The following BAIAP2 variants were observed in gnomAD, a reference collection of about 807,000 sequenced individuals.
BAIAP2 encodes BAR/IMD domain containing adaptor protein 2, also known as BAR/IMD domain-containing adapter protein 2.
Under a neutral mutation model 63.0 loss-of-function variants are expected in BAIAP2, and 18 were observed. The ratio of observed to expected loss-of-function variants is 0.29; its 90% CI spans 0.20 to 0.42. The LOEUF is 0.42. Among genes scored for constraint, BAIAP2 ranks in the 10% least tolerant of loss-of-function variants. BAIAP2 has a pLI of 1.00. For synonymous variants in BAIAP2, 386 were observed against 307.6 expected, an observed-to-expected ratio of 1.25 and a Z score of -2.67; for missense variants, 610 against 734.3, an observed-to-expected ratio of 0.83 and a Z score of 1.96.
intron 1 of BAIAP2, among the ~76,000 whole-genome samples, chr17:81,041,891 A>G (rs987024939): frequency 2.6e-5 from 4 of 152,070 alleles, no homozygotes; most frequent in African/African-American, 9.7e-5. Context: ...TAGATTTTTC[A>G]ATAATCATAT....
chr17:81,081,842 C>T (rs549513276), intron 3 of BAIAP2, among the ~76,000 whole-genome samples: 15 of 152,290 alleles, frequency 9.8e-5, no homozygotes, highest in South Asian at 8.3e-4. Context: ...AGGGGGCCAT[C>T]GCTGGGCCCT....
At position 81,116,325 on chromosome 17, in the gene BAIAP2, T is replaced by G. The variant is rs1347190051; in HGVS notation, c.*486T>G. On this transcript the variant is annotated 3_prime_UTR_variant, in exon 14 of 14. Coordinates refer to ENST00000428708, the MANE Select transcript of BAIAP2 (RefSeq NM_001144888.2). ...AGATGAACTTCCCGTAAGCACGTAA[T>G]TCCCTGCAGGTCCGGCAGCTACACC... 6.2e-7 allele frequency: 1 copy of G among 1,612,472 alleles called. No individual in the cohort carries two copies. Among genetic ancestry groups the G allele is most frequent in the East Asian group, 2.2e-5 (1 of 44,880 alleles).
intron 6 of BAIAP2, among the ~76,000 whole-genome samples, chr17:81,096,148 A>AGT (rs2057577226): frequency 1.3e-5 from 2 of 152,208 alleles, no homozygotes; most frequent in Non-Finnish European, 2.9e-5. Flanking sequence ...GACAGCAACC[A>AGT]GTGTGGAGGC....
At chr17:81,112,153 C>T (rs2059997425) in intron 13 of BAIAP2, among the ~76,000 whole-genome samples, 1 of 152,054 alleles carries the variant, frequency 6.6e-6, no homozygotes, top group Non-Finnish European at 1.5e-5. Context: ...GGGAGGCCTC[C>T]AGACCCCCCC....
chr17:81,067,736 G>A (rs558334373), intron 3 of BAIAP2, among the ~76,000 whole-genome samples: 2 of 152,348 alleles, frequency 1.3e-5, no homozygotes, highest in East Asian at 1.9e-4. Context: ...GCATCGCAGC[G>A]GGGAGGCACC....
At chr17:81,040,202 G>A (rs750929842) in intron 1 of BAIAP2, among the ~76,000 whole-genome samples, 4 of 152,214 alleles carry the variant, frequency 2.6e-5, no homozygotes, top group African/African-American at 4.8e-5. Flanking sequence ...TGCCTTCCCA[G>A]CCACCTTGTC....
At chr17:81,095,126 T>G (rs909761101) in intron 6 of BAIAP2, among the ~76,000 whole-genome samples, 3 of 152,178 alleles carry the variant, frequency 2.0e-5, no homozygotes, top group Non-Finnish European at 4.4e-5. Context: ...GCTGGGTGTT[T>G]CCATAGTGCT....
intron 3 of BAIAP2, chr17:81,063,697 A>G (rs4969371): frequency 0.87 from 132,804 of 152,458 alleles, 58,095 homozygotes; most frequent in East Asian, 0.99. Context: ...CTATTATCGC[A>G]AGGTGGCTTG....
chr17:81,086,789 C>T, intron 6 of BAIAP2: 2 of 576,206 alleles, frequency 3.5e-6, no homozygotes, highest in Non-Finnish European at 6.2e-6. Flanking sequence ...CTCTGTCCTG[C>T]TCTTGCAGCC....
chr17:81,100,827 C>G (rs995190423), intron 7 of BAIAP2, among the ~76,000 whole-genome samples: 5 of 152,170 alleles, frequency 3.3e-5, no homozygotes, highest in Non-Finnish European at 5.9e-5. Context: ...GGGACTCAAA[C>G]CTGGTCACAG....
chr17:81,071,103 T>A (rs1163269995), intron 3 of BAIAP2, among the ~76,000 whole-genome samples: 3 of 151,234 alleles, frequency 2.0e-5, no homozygotes, highest in Non-Finnish European at 4.4e-5. Flanking sequence ...ACATTGATTT[T>A]TTTTTTTTCC....
At chr17:81,111,349 C>G (rs1175391192) in intron 13 of BAIAP2, among the ~76,000 whole-genome samples, 1 of 152,258 alleles carries the variant, frequency 6.6e-6, no homozygotes, top group East Asian at 1.9e-4. Context: ...AGCTTGGGCT[C>G]CTTCGGGTGT....
chr17:81,036,451 A>G (rs930955618), intron 1 of BAIAP2, among the ~76,000 whole-genome samples: 1 of 152,254 alleles, frequency 6.6e-6, no homozygotes, highest in African/African-American at 2.4e-5. Flanking sequence ...GTGCCTGGCC[A>G]GGGGCCTGGG....
chr17:81,058,338 G>C (rs59848641), intron 3 of BAIAP2, among the ~76,000 whole-genome samples: 14,323 of 152,264 alleles, frequency 0.094, 775 homozygotes, highest in Non-Finnish European at 0.11. Context: ...CCCACGTGTG[G>C]TGTGGCCCTG....
intron 3 of BAIAP2, among the ~76,000 whole-genome samples, chr17:81,075,883 C>G (rs1016202790): frequency 2.6e-5 from 4 of 152,192 alleles, no homozygotes. Flanking sequence ...CATCTCTGTC[C>G]TGGCACGGAG....
chr17:81,095,280 C>T (rs1034155472), intron 6 of BAIAP2, among the ~76,000 whole-genome samples: 1 of 152,196 alleles, frequency 6.6e-6, no homozygotes, highest in Non-Finnish European at 1.5e-5. Flanking sequence ...GAGGTACAGA[C>T]CAGGCCGTGC....
chr17:81,049,385 C>T (rs149335094), intron 1 of BAIAP2, among the ~76,000 whole-genome samples: 8 of 152,306 alleles, frequency 5.3e-5, no homozygotes, highest in Middle Eastern at 3.4e-3. Flanking sequence ...ACTTCAGAGC[C>T]GCCGTGTGGG....
chr17:81,043,728 G>T (rs1193404556), intron 1 of BAIAP2, among the ~76,000 whole-genome samples: 2 of 152,032 alleles, frequency 1.3e-5, no homozygotes, highest in African/African-American at 4.8e-5. Context: ...TGCCTGACAG[G>T]GGATCCTCGG....
chr17:81,051,994 G>A (rs574013462), intron 1 of BAIAP2, among the ~76,000 whole-genome samples: 7 of 152,316 alleles, frequency 4.6e-5, no homozygotes, highest in Admixed American at 3.3e-4. Context: ...CTGACCCAGC[G>A]GAATCTCTTA....
Sources: gnomAD v4.1 joint callset for allele counts (sites outside exome capture counted in the v4.1 genomes callset) on GRCh38, gnomAD v4.1.1 for gene constraint, MANE v1.5 for transcripts, NCBI Gene and HGNC (gene_info 2026-07-23, HGNC 2026-07-21) for gene names.